The following MAD1L1 variants were observed in gnomAD, a reference collection of about 807,000 sequenced individuals.
MAD1L1 encodes mitotic arrest deficient 1 like 1.
A neutral mutation model predicts 96.9 loss-of-function variants in MAD1L1; 95 were observed. The ratio of observed to expected loss-of-function variants is 0.98; its 90% CI spans 0.83 to 1.16. The LOEUF (loss-of-function observed/expected upper bound fraction) is 1.16, where lower values mean the gene tolerates loss of function less well. MAD1L1 is among the 50% of genes most tolerant of loss of function. MAD1L1 has a pLI of 0.00. For synonymous variants in MAD1L1, 473 were observed against 396.6 expected (o/e 1.19, Z -2.29); for missense variants, 1,007 against 954.4 (o/e 1.06, Z -0.73).
intron 13 of MAD1L1, among the ~76,000 whole-genome samples, chr7:2,003,294 G>A (rs1232337786): frequency 6.6e-6 from 1 of 152,172 alleles, no homozygotes; most frequent in Non-Finnish European, 1.5e-5. Context: ...GTATGTATAT[G>A]CACACCTGTG....
intron 11 of MAD1L1, among the ~76,000 whole-genome samples, chr7:2,126,657 G>A (rs1054021341): frequency 2.6e-5 from 4 of 152,228 alleles, no homozygotes; most frequent in African/African-American, 7.2e-5. Flanking sequence ...AGGAGGCCCA[G>A]GAGCATCTCT....
At chr7:2,006,987 T>C (rs1584057981) in intron 13 of MAD1L1, among the ~76,000 whole-genome samples, 1 of 152,012 alleles carries the variant, frequency 6.6e-6, no homozygotes, top group Admixed American at 6.5e-5. Context: ...CGGGAGGGGA[T>C]GGGGTGAGTC....
rs1787563058 is a variant in MAD1L1 at position 2,114,568 on chromosome 7, G to A, written c.1073+34584C>T. On this transcript the variant is annotated intron_variant, in intron 11 of 18. Coordinates refer to ENST00000265854, the MANE Select transcript of MAD1L1 (RefSeq NM_001013836.2). The surrounding 1 kb of genome is among the most constrained non-coding windows in gnomAD (Gnocchi z 4.2). ...CGTCACGTGGCAGAAGGATCTTCAT[G>A]AAGATGAGCATGGCTACGACTTGAA... is the stretch of plus-strand genomic sequence containing the variant. Among the ~76,000 whole-genome samples the A allele has an allele frequency of 6.6e-6, 1 of 152,292 alleles. No homozygotes were observed. Among genetic ancestry groups the A allele is most frequent in the Non-Finnish European group, 1.5e-5 (1 of 68,054 alleles).
chr7:2,095,607 AG>A (rs1400605639), intron 11 of MAD1L1, among the ~76,000 whole-genome samples: 1 of 152,236 alleles, frequency 6.6e-6, no homozygotes, highest in Non-Finnish European at 1.5e-5. Flanking sequence ...AGAAAACGCA[AG>A]GAGGCGAGGT....
At chr7:1,969,350 C>T (rs187182587) in intron 15 of MAD1L1, among the ~76,000 whole-genome samples, 1 of 152,228 alleles carries the variant, frequency 6.6e-6, no homozygotes, top group East Asian at 1.9e-4. Context: ...CCACTACACT[C>T]CAGCCTGGGT....
chr7:1,954,166 G>A (rs527437221), intron 16 of MAD1L1, among the ~76,000 whole-genome samples: 3 of 152,310 alleles, frequency 2.0e-5, no homozygotes, highest in South Asian at 2.1e-4. Flanking sequence ...TAAGGACGAC[G>A]GTATTATGAC....
chr7:2,059,711 G>C (rs1172836873), intron 12 of MAD1L1, among the ~76,000 whole-genome samples: 3 of 151,920 alleles, frequency 2.0e-5, no homozygotes, highest in African/African-American at 4.8e-5. Context: ...GGGGAGAAGA[G>C]AGGCATGGGG....
At chr7:2,027,768 A>C (rs1166210803) in intron 12 of MAD1L1, among the ~76,000 whole-genome samples, 2 of 152,240 alleles carry the variant, frequency 1.3e-5, no homozygotes, top group African/African-American at 4.8e-5. Context: ...GATCTTTAAC[A>C]GTGAAATGTT....
At chr7:1,851,199 C>T (rs1031763889) in intron 18 of MAD1L1, among the ~76,000 whole-genome samples, 2 of 152,284 alleles carry the variant, frequency 1.3e-5, no homozygotes, top group East Asian at 1.9e-4. Context: ...CCAGAGCGGG[C>T]GGCAGGAGCC....
At chr7:2,195,678 T>C (rs1791951845) in intron 10 of MAD1L1, among the ~76,000 whole-genome samples, 1 of 152,216 alleles carries the variant, frequency 6.6e-6, no homozygotes, top group Admixed American at 6.5e-5. Context: ...CAAGATAGTA[T>C]TGTGTTGCAG....
chr7:2,071,209 C>T (rs1350574593), intron 11 of MAD1L1, among the ~76,000 whole-genome samples: 2 of 142,024 alleles, frequency 1.4e-5, no homozygotes, highest in African/African-American at 5.4e-5. Context: ...TTAACTGTAA[C>T]TTAGTAGAAG....
chr7:1,824,931 A>T (rs1383866497), intron 18 of MAD1L1, among the ~76,000 whole-genome samples: 2 of 151,338 alleles, frequency 1.3e-5, no homozygotes, highest in Non-Finnish European at 2.9e-5. Context: ...GGGGTGAGAA[A>T]ACCCTTCAAG....
At chr7:1,878,608 G>C (rs1157464085) in intron 18 of MAD1L1, among the ~76,000 whole-genome samples, 1 of 150,848 alleles carries the variant, frequency 6.6e-6, no homozygotes, top group Non-Finnish European at 1.5e-5. Flanking sequence ...CTCTTAGCAA[G>C]TAGAACAGAA....
intron 18 of MAD1L1, among the ~76,000 whole-genome samples, chr7:1,886,873 C>T (rs1786067082): frequency 6.6e-6 from 1 of 152,260 alleles, no homozygotes; most frequent in Non-Finnish European, 1.5e-5. Flanking sequence ...CCAGCAGCTC[C>T]CTGGGGACAG....
chr7:2,195,791 G>A (rs1791956110), intron 10 of MAD1L1, among the ~76,000 whole-genome samples: 1 of 152,256 alleles, frequency 6.6e-6, no homozygotes, highest in Admixed American at 6.5e-5. Context: ...CTGCCAGGAG[G>A]TGCTTGGCTC....
chr7:1,933,300 G>A (rs1021039778), intron 17 of MAD1L1, among the ~76,000 whole-genome samples: 3 of 152,170 alleles, frequency 2.0e-5, no homozygotes, highest in Non-Finnish European at 4.4e-5. Flanking sequence ...GGGAGCTGTC[G>A]AGCTGGGGAA....
At chr7:2,122,367 CT>C (rs778777498) in intron 11 of MAD1L1, among the ~76,000 whole-genome samples, 56 of 152,326 alleles carry the variant, frequency 3.7e-4, no homozygotes, top group South Asian at 8.3e-4. Context: ...GTGGTTCACG[CT>C]TGTAATCCTA....
chr7:1,940,620 T>C (rs1778906712), intron 16 of MAD1L1: 1 of 152,210 alleles, frequency 6.6e-6, no homozygotes, highest in African/African-American at 2.4e-5. Context: ...CACGGGGCTG[T>C]GCAGTCACCC....
intron 18 of MAD1L1, among the ~76,000 whole-genome samples, chr7:1,827,157 G>A (rs1371498103): frequency 6.6e-6 from 1 of 152,242 alleles, no homozygotes; most frequent in Non-Finnish European, 1.5e-5. Context: ...GGCCGTGGAA[G>A]GGCATGGAGG....
Sources: gnomAD v4.1 joint callset for allele counts (sites outside exome capture counted in the v4.1 genomes callset) on GRCh38, gnomAD v4.1.1 for gene constraint, Gnocchi (gnomAD v3.1) non-coding constraint, MANE v1.5 for transcripts, NCBI Gene and HGNC (gene_info 2026-07-23, HGNC 2026-07-21) for gene names.